ARB2A: variants seen among roughly 807,000 people sequenced by gnomAD.
The protein encoded by ARB2A is ARB2 cotranscriptional regulator A.
At chr5:94,095,396 G>A in the ARB2A span, among the ~76,000 whole-genome samples, 1 of 152,010 alleles carries the variant, frequency 6.6e-6, no homozygotes, top group Admixed American at 6.6e-5. Context: ...GCTTACAGAG[G>A]CAAGTCCAAG....
At chr5:93,704,815 A>G in the ARB2A span, among the ~76,000 whole-genome samples, 1 of 152,170 alleles carries the variant, frequency 6.6e-6, no homozygotes, top group African/African-American at 2.4e-5. Context: ...GGGACTATTT[A>G]CCCCTTTGAG....
chr5:93,960,589 C>T, the ARB2A span, among the ~76,000 whole-genome samples: 1 of 152,094 alleles, frequency 6.6e-6, no homozygotes, highest in Non-Finnish European at 1.5e-5. Context: ...TAATTAAAAA[C>T]AATAAACTTT....
chr5:93,945,039 A>T, the ARB2A span, among the ~76,000 whole-genome samples: 2 of 152,216 alleles, frequency 1.3e-5, no homozygotes, highest in Non-Finnish European at 2.9e-5. Context: ...TCAAGTAAGG[A>T]GCAGTTACCC....
chr5:93,918,361 A>G, the ARB2A span, among the ~76,000 whole-genome samples: 1 of 152,102 alleles, frequency 6.6e-6, no homozygotes, highest in Non-Finnish European at 1.5e-5. Flanking sequence ...GTAGGACATG[A>G]AGAAGTAACT....
the ARB2A span, among the ~76,000 whole-genome samples, chr5:93,959,640 G>A: frequency 6.6e-6 from 1 of 152,050 alleles, no homozygotes; most frequent in South Asian, 2.1e-4. Flanking sequence ...CATTCAGATT[G>A]TGAACACAGG....
At chr5:94,064,567 G>T in the ARB2A span, among the ~76,000 whole-genome samples, 2 of 152,114 alleles carry the variant, frequency 1.3e-5, no homozygotes, top group African/African-American at 4.8e-5. Context: ...AGAAGTCAAA[G>T]AAAGAATTCT....
the ARB2A span, among the ~76,000 whole-genome samples, chr5:93,994,324 G>C: frequency 6.6e-6 from 1 of 152,058 alleles, no homozygotes; most frequent in Non-Finnish European, 1.5e-5. Flanking sequence ...CAATGAAATA[G>C]TTTTCAACCT....
chr5:93,928,314 A>G, the ARB2A span, among the ~76,000 whole-genome samples: 2 of 152,182 alleles, frequency 1.3e-5, no homozygotes, highest in African/African-American at 4.8e-5. Flanking sequence ...AGTACCCTGA[A>G]TGTCTAACGG....
chr5:93,784,490 GT>G, the ARB2A span: 32 of 1,611,352 alleles, frequency 2.0e-5, no homozygotes, highest in Non-Finnish European at 2.6e-5. Context: ...TCGGCTTCTC[GT>G]TGAATCATCT....
At chr5:94,056,607 T>C in the ARB2A span, among the ~76,000 whole-genome samples, 1 of 152,260 alleles carries the variant, frequency 6.6e-6, no homozygotes, top group South Asian at 2.1e-4. Context: ...ATGGCTCTAG[T>C]GGTTAAAGTG....
At chr5:93,621,113 C>T in the ARB2A span, 1 of 1,611,790 alleles carries the variant, frequency 6.2e-7, no homozygotes, top group Non-Finnish European at 8.5e-7. Context: ...AGGAAGTTAG[C>T]TCGTGACGGT....
chr5:93,947,719 A>G, the ARB2A span, among the ~76,000 whole-genome samples: 5 of 123,932 alleles, frequency 4.0e-5, no homozygotes, highest in Non-Finnish European at 7.9e-5. Flanking sequence ...TCCTGTGTCC[A>G]TGTGTTCTCA....
At chr5:93,667,746 G>T in the ARB2A span, among the ~76,000 whole-genome samples, 2 of 152,254 alleles carry the variant, frequency 1.3e-5, no homozygotes, top group South Asian at 4.1e-4. Flanking sequence ...TCTCAGCCTG[G>T]AAATGATTAA....
the ARB2A span, among the ~76,000 whole-genome samples, chr5:93,625,023 A>G: frequency 0.044 from 6,764 of 152,218 alleles, 298 homozygotes; most frequent in East Asian, 0.23. Flanking sequence ...AAAAAATATC[A>G]TAACTGATGG....
At chr5:93,793,570 C>T in the ARB2A span, among the ~76,000 whole-genome samples, 2 of 152,062 alleles carry the variant, frequency 1.3e-5, no homozygotes, top group Admixed American at 1.3e-4. Context: ...TGGCAAATAA[C>T]AGGTGCTCAA....
At chr5:93,817,079 TACACACAA>T in the ARB2A span, among the ~76,000 whole-genome samples, 44 of 145,992 alleles carry the variant, frequency 3.0e-4, 1 homozygote, top group Middle Eastern at 7.0e-3. Flanking sequence ...TCCTAAGGAA[TACACACAA>T]ACACACACAC....
At chr5:93,786,881 C>A in the ARB2A span, among the ~76,000 whole-genome samples, 1 of 152,160 alleles carries the variant, frequency 6.6e-6, no homozygotes, top group East Asian at 1.9e-4. Flanking sequence ...TGAAATATAG[C>A]CAAAGCAAGG....
the ARB2A span, among the ~76,000 whole-genome samples, chr5:93,689,735 C>T: frequency 1.8e-4 from 27 of 151,762 alleles, no homozygotes; most frequent in South Asian, 6.3e-4. Context: ...TCTTGTTGTC[C>T]GGGCTGGAGT....
At chr5:93,774,343 A>C in the ARB2A span, among the ~76,000 whole-genome samples, 3 of 152,220 alleles carry the variant, frequency 2.0e-5, no homozygotes, top group Admixed American at 2.0e-4. Context: ...CAAAAGCTAA[A>C]AATGATTCCG....
Sources: gnomAD v4.1 joint callset for allele counts (sites outside exome capture counted in the v4.1 genomes callset) on GRCh38, gnomAD v4.1.1 for gene constraint, MANE v1.5 for transcripts, NCBI Gene and HGNC (gene_info 2026-07-23, HGNC 2026-07-21) for gene names.